IREB2: variants seen among roughly 807,000 people sequenced by gnomAD.
IREB2 encodes iron responsive element binding protein 2, also known as iron-responsive element-binding protein 2.
In IREB2, 39 loss-of-function variants were observed where a neutral mutation model predicts 118.8. That is an observed-to-expected ratio of 0.33 (90% confidence interval 0.25 to 0.43). The LOEUF (loss-of-function observed/expected upper bound fraction) is 0.43. Among genes scored for constraint, IREB2 ranks in the 20% least tolerant of loss-of-function variants. The pLI is 1.00. For synonymous variants in IREB2, 372 were observed against 392.2 expected (o/e 0.95, Z 0.61); for missense variants, 900 against 1,147.3 (o/e 0.78, Z 3.11).
chr15:78,483,034 C>T (rs550852602), intron 10 of IREB2, among the ~76,000 whole-genome samples: 4 of 152,198 alleles, frequency 2.6e-5, no homozygotes, highest in South Asian at 4.1e-4. Context: ...CCACCGCGCC[C>T]GGCCCCAGAT....
At chr15:78,451,109 C>T (rs1237505985) in intron 2 of IREB2, among the ~76,000 whole-genome samples, 1 of 151,786 alleles carries the variant, frequency 6.6e-6, no homozygotes, top group Non-Finnish European at 1.5e-5. Flanking sequence ...GGATTACAGG[C>T]GCCCACCACC....
chr15:78,454,658 A>G (rs1460696807), intron 2 of IREB2, among the ~76,000 whole-genome samples: 3 of 152,234 alleles, frequency 2.0e-5, no homozygotes, highest in African/African-American at 7.2e-5. Context: ...GATGAATTAT[A>G]AGATATATAC....
chr15:78,493,517 A>G (rs1309784943), intron 18 of IREB2, among the ~76,000 whole-genome samples: 4 of 152,334 alleles, frequency 2.6e-5, no homozygotes, highest in Admixed American at 6.5e-5. Flanking sequence ...TATGAACTGC[A>G]TTTGGATCCT....
chr15:78,462,853 T>A (rs544580069), intron 2 of IREB2, 69 bp from the exon 3 acceptor site: 1 of 1,224,426 alleles, frequency 8.2e-7, no homozygotes, highest in Non-Finnish European at 1.1e-6. Flanking sequence ...AACTTTTTGC[T>A]ATGGCATTTT....
At chr15:78,446,666 G>A (rs78695751) in intron 2 of IREB2, among the ~76,000 whole-genome samples, 1 of 152,000 alleles carries the variant, frequency 6.6e-6, no homozygotes, top group African/African-American at 2.4e-5. Flanking sequence ...TTCCAGTTCA[G>A]TCTCTCTGTG....
intron 2 of IREB2, among the ~76,000 whole-genome samples, chr15:78,456,431 G>A (rs936948266): frequency 2.2e-4 from 33 of 152,110 alleles, no homozygotes; most frequent in African/African-American, 8.0e-4. Flanking sequence ...GGGAGGCCAA[G>A]GTGGGAGGAT....
chr15:78,443,173 A>G (rs554531276), intron 2 of IREB2, among the ~76,000 whole-genome samples: 1 of 152,288 alleles, frequency 6.6e-6, no homozygotes, highest in South Asian at 2.1e-4. Context: ...GATTAATAAT[A>G]ACTAATAATA....
At chr15:78,458,731 C>T (rs2051146801) in intron 2 of IREB2, among the ~76,000 whole-genome samples, 1 of 152,214 alleles carries the variant, frequency 6.6e-6, no homozygotes, top group South Asian at 2.1e-4. Flanking sequence ...TAGTAGGCGC[C>T]AGCTTCATAA....
rs984921013 is a variant in IREB2, at chr15:78,485,483, A to G, written c.1574-222A>G. Among the ~76,000 whole-genome samples, 6 of 152,220 alleles carry G rather than the reference A, an allele frequency of 3.9e-5. 1 individual carries two copies. The South Asian group carries it at 1.0e-3, about 26-fold the overall frequency. On this transcript the variant is annotated intron_variant, in intron 12 of 21. Coordinates refer to ENST00000258886, the MANE Select transcript of IREB2 (RefSeq NM_004136.4). ...ACCTTTTGTTTACTCTGTGTGAATG[A>G]TGTCAGCCTGTATCTTAATAATTTT...
chr15:78,483,252 T>G (rs1266989360), intron 10 of IREB2, 66 bp from the exon 11 acceptor site: 1 of 759,138 alleles, frequency 1.3e-6, no homozygotes, highest in East Asian at 2.5e-5. Flanking sequence ...AAAGTAATGC[T>G]TCAATTGGAA....
intron 9 of IREB2, among the ~76,000 whole-genome samples, chr15:78,477,185 C>G (rs1283302630): frequency 6.6e-6 from 1 of 152,128 alleles, no homozygotes; most frequent in Non-Finnish European, 1.5e-5. Flanking sequence ...TTAGAAGTGC[C>G]TCGTTCCTTG....
rs2051740126 is a variant in IREB2 at position 78,490,900 on chromosome 15, CAAGAA to C, written c.2324+140_2324+144del. The stretch of plus-strand genomic sequence containing the variant: ...TGACTGCCAATGTGTTTGTCTTAAG[CAAGAA>C]TGGAGAGTGGCGGGGTGGGGAGGCG... On this transcript the variant is annotated intron_variant, in intron 18 of 21. Coordinates refer to ENST00000258886, the MANE Select transcript of IREB2 (RefSeq NM_004136.4). 3.4e-5 allele frequency: 23 copies of C among 683,686 alleles called. No individual in the cohort carries two copies. In the South Asian group the frequency reaches 5.1e-4, roughly 15 times the overall value. 42.4% of individuals were successfully genotyped at this position (683,686 alleles called of 1,614,324 possible).
chr15:78,438,175 C>T, upstream of IREB2: 1 of 600,952 alleles, frequency 1.7e-6, no homozygotes, highest in South Asian at 2.0e-5. Context: ...CCCGCGAGCG[C>T]AGACCCGGGG....
At chr15:78,439,139 G>A (rs1007534025) in intron 1 of IREB2, among the ~76,000 whole-genome samples, 1 of 152,134 alleles carries the variant, frequency 6.6e-6, no homozygotes, top group Non-Finnish European at 1.5e-5. Context: ...GAGACCTCTG[G>A]ATCTTTGACT....
intron 2 of IREB2, among the ~76,000 whole-genome samples, chr15:78,459,583 C>T (rs1424136464): frequency 2.0e-5 from 3 of 152,114 alleles, no homozygotes; most frequent in Non-Finnish European, 2.9e-5. Context: ...CTCTTGACCT[C>T]GAGTGATCCA....
At position 78,493,921 on chromosome 15, in the gene IREB2, T is replaced by G; in HGVS notation, c.2337T>G (p.Arg779=). 6.2e-7 allele frequency: 1 copy of G among 1,613,414 alleles called. No homozygotes were observed. Among genetic ancestry groups the G allele is most frequent in the Non-Finnish European group, 8.5e-7 (1 of 1,179,728 alleles). Residue 779 remains arginine (R), a synonymous_variant, in exon 19 of 22, where the codon CGT becomes CGG. Coordinates refer to ENST00000258886, the MANE Select transcript of IREB2 (RefSeq NM_004136.4). ...KYLTNRGLTP[R]EFNSYGARRG... ...TACTTTCTTGTAGCCTTACCCCTCG[T>G]GAATTCAACTCTTACGGAGCTCGAA...
rs1384135374 is a variant in IREB2, at chr15:78,499,216, G to A, written c.*1073G>A. 1 of 152,132 alleles carries A rather than the reference G, an allele frequency of 6.6e-6. No homozygotes were observed. Among genetic ancestry groups the A allele is most frequent in the Non-Finnish European group, 1.5e-5 (1 of 68,016 alleles). 9.4% of individuals were successfully genotyped at this position (152,132 alleles called of 1,614,324 possible). ...TTGTTATGTTACTGTTTTAACCAAAGCTGACCGTAAGGATAAAACACTTAA... is the reference window on the plus strand; with the variant it reads ...TTGTTATGTTACTGTTTTAACCAAAACTGACCGTAAGGATAAAACACTTAA... On this transcript the variant is annotated 3_prime_UTR_variant, in exon 22 of 22. Coordinates refer to ENST00000258886, the MANE Select transcript of IREB2 (RefSeq NM_004136.4).
intron 2 of IREB2, among the ~76,000 whole-genome samples, chr15:78,447,443 G>C (rs983093709): frequency 1.3e-4 from 20 of 151,340 alleles, no homozygotes; most frequent in African/African-American, 4.9e-4. Context: ...CAATTCTCCT[G>C]CCTCAGCCTC....
chr15:78,478,704 CAA>C (rs1451886833), intron 10 of IREB2, among the ~76,000 whole-genome samples: 9 of 151,820 alleles, frequency 5.9e-5, no homozygotes, highest in Admixed American at 5.9e-4. Context: ...AGACTTGTGT[CAA>C]AAAGGAAAAA....
Sources: gnomAD v4.1 joint callset for allele counts (sites outside exome capture counted in the v4.1 genomes callset) on GRCh38, gnomAD v4.1.1 for gene constraint, MANE v1.5 for transcripts, NCBI Gene and HGNC (gene_info 2026-07-23, HGNC 2026-07-21) for gene names.